The following CSMD1 variants were observed in gnomAD, a reference collection of about 807,000 sequenced individuals.
The protein encoded by CSMD1 is CUB and sushi domain-containing protein 1.
Under a neutral mutation model 417.5 loss-of-function variants are expected in CSMD1, and 213 were observed. The observed-to-expected ratio is 0.51, with a 90% CI of 0.46 to 0.57. CSMD1 has a LOEUF of 0.57. CSMD1 is among the 20% of genes least tolerant of loss of function. The pLI is 0.00. For synonymous variants in CSMD1, 2,862 were observed against 1,736.8 expected (o/e 1.65, Z -16.11); for missense variants, 6,923 against 4,529.7 (o/e 1.53, Z -15.17).
At chr8:3,460,797 A>T (rs1816451873) in intron 12 of CSMD1, among the ~76,000 whole-genome samples, 1 of 152,232 alleles carries the variant, frequency 6.6e-6, no homozygotes, top group Admixed American at 6.5e-5. Flanking sequence ...CGGCTGCTAG[A>T]CAATGATGCC....
At chr8:4,406,412 T>G (rs112449308) in intron 3 of CSMD1, among the ~76,000 whole-genome samples, 11 of 152,240 alleles carry the variant, frequency 7.2e-5, no homozygotes, top group African/African-American at 2.6e-4. Flanking sequence ...CCCAACCTCA[T>G]AAAAATGATA....
At chr8:4,148,719 C>A (rs1421061909) in intron 3 of CSMD1, among the ~76,000 whole-genome samples, 1 of 152,106 alleles carries the variant, frequency 6.6e-6, no homozygotes, top group Admixed American at 6.6e-5. Flanking sequence ...GAGGGCTCCA[C>A]TCTCATCACC....
chr8:3,517,831 A>G (rs1297180664), intron 10 of CSMD1, among the ~76,000 whole-genome samples: 1 of 152,180 alleles, frequency 6.6e-6, no homozygotes, highest in Non-Finnish European at 1.5e-5. Context: ...GAAACACCCA[A>G]CGACCCATCC....
At chr8:3,882,558 A>G (rs1806277684) in intron 5 of CSMD1, among the ~76,000 whole-genome samples, 1 of 152,174 alleles carries the variant, frequency 6.6e-6, no homozygotes. Context: ...CCTTAGGCAT[A>G]TACCCAATAT....
intron 23 of CSMD1, among the ~76,000 whole-genome samples, chr8:3,314,805 C>T (rs17392287): frequency 0.12 from 17,943 of 152,142 alleles, 1,137 homozygotes; most frequent in Non-Finnish European, 0.14. Context: ...TTCAAGTATT[C>T]GGATTAGTTC....
At chr8:4,574,013 T>C (rs971757609) in intron 2 of CSMD1, among the ~76,000 whole-genome samples, 4 of 152,178 alleles carry the variant, frequency 2.6e-5, no homozygotes, top group African/African-American at 4.8e-5. Context: ...CAGACTGCTG[T>C]GCTGGCAGCC....
rs1797479375 is a variant in CSMD1 at position 4,787,692 on chromosome 8, G to C, written c.86-150134C>G. The C allele has an allele frequency of 1.9e-6, 3 of 1,591,304 alleles. No homozygotes were observed. In the African/African-American group the frequency reaches 4.0e-5, roughly 21 times the overall value. ...TATAAGTTTACCCACCTAAAGTGGAGTTGTTTTTCAAGGATGCTGCCAATA... is the reference window on the plus strand; with the variant it reads ...TATAAGTTTACCCACCTAAAGTGGACTTGTTTTTCAAGGATGCTGCCAATA... On this transcript the variant is annotated intron_variant, in intron 1 of 69. Coordinates refer to ENST00000635120, the MANE Select transcript of CSMD1 (RefSeq NM_033225.6).
Position 4,177,119 on chromosome 8 carries a change from G to T in CSMD1, c.416-145020C>A, listed in dbSNP as rs182526937. On this transcript the variant is annotated intron_variant, in intron 3 of 69. Coordinates refer to ENST00000635120, the MANE Select transcript of CSMD1 (RefSeq NM_033225.6). ...CAGAACTCTCCACCCCAAATCAACA[G>T]AATATACATGTTTTTCAGCACCACA... Among the ~76,000 whole-genome samples the T allele has an allele frequency of 5.8e-3, 885 of 152,250 alleles. 10 individuals carry two copies. The highest frequency in any genetic ancestry group is 0.02 in the African/African-American group (818 of 41,536).
chr8:4,194,644 A>G (rs1328184380), intron 3 of CSMD1, among the ~76,000 whole-genome samples: 3 of 152,174 alleles, frequency 2.0e-5, no homozygotes, highest in African/African-American at 7.2e-5. Context: ...ATTTTCTTGC[A>G]AGGAAAATAA....
intron 6 of CSMD1, among the ~76,000 whole-genome samples, chr8:3,750,122 G>C (rs922098258): frequency 2.0e-5 from 3 of 152,106 alleles, no homozygotes; most frequent in African/African-American, 2.4e-5. Context: ...TATGAGGAAG[G>C]CTAGGAACCA....
intron 8 of CSMD1, among the ~76,000 whole-genome samples, chr8:3,594,301 G>A (rs1800992528): frequency 6.6e-6 from 1 of 152,024 alleles, no homozygotes; most frequent in Non-Finnish European, 1.5e-5. Context: ...AATCTAAATT[G>A]CTATGGGAAT....
At chr8:3,613,338 A>T in intron 8 of CSMD1, 1 of 405,808 alleles carries the variant, frequency 2.5e-6, no homozygotes, top group Non-Finnish European at 4.8e-6. Flanking sequence ...AACATTTAGC[A>T]ATGAAATATT....
At chr8:4,614,431 G>A (rs117549698) in intron 2 of CSMD1, among the ~76,000 whole-genome samples, 1,988 of 152,238 alleles carry the variant, frequency 0.013, 20 homozygotes, top group Middle Eastern at 0.034. Context: ...ACCTAAATAA[G>A]CCTCTAACCT....
At chr8:4,426,682 T>C (rs1403616985) in intron 2 of CSMD1, among the ~76,000 whole-genome samples, 1 of 147,174 alleles carries the variant, frequency 6.8e-6, no homozygotes, top group Non-Finnish European at 1.5e-5. Flanking sequence ...TTATATAATA[T>C]AGTAATATTT....
At chr8:4,039,215 C>T (rs1486672781) in intron 3 of CSMD1, among the ~76,000 whole-genome samples, 1 of 152,140 alleles carries the variant, frequency 6.6e-6, no homozygotes, top group South Asian at 2.1e-4. Context: ...GGTTTCTCTC[C>T]ATTTCTCTAC....
intron 4 of CSMD1, among the ~76,000 whole-genome samples, chr8:4,007,306 C>T (rs965332275): frequency 1.2e-4 from 18 of 152,314 alleles, no homozygotes; most frequent in African/African-American, 4.3e-4. Context: ...ATGTTGGCTT[C>T]TTCTGTTCCT....
intron 4 of CSMD1, among the ~76,000 whole-genome samples, chr8:4,019,276 A>G (rs1028044606): frequency 1.3e-5 from 2 of 152,154 alleles, no homozygotes; most frequent in Non-Finnish European, 2.9e-5. Flanking sequence ...GTTTTTAAAG[A>G]TTCAGGGCGA....
intron 1 of CSMD1, among the ~76,000 whole-genome samples, chr8:4,868,952 C>A (rs1802576338): frequency 6.6e-6 from 1 of 151,378 alleles, no homozygotes; most frequent in Non-Finnish European, 1.5e-5. Flanking sequence ...TAGATTATAC[C>A]TATATACACA....
At chr8:3,359,059 A>T in intron 21 of CSMD1, 93 bp downstream of exon 21, 1 of 1,233,012 alleles carries the variant, frequency 8.1e-7, no homozygotes, top group Admixed American at 1.9e-5. Flanking sequence ...CCTTGTCAAC[A>T]AACCCCCACC....
Sources: allele counts gnomAD v4.1 joint callset (sites outside exome capture counted in the v4.1 genomes callset), GRCh38; gene constraint gnomAD v4.1.1; transcripts MANE v1.5; gene names NCBI Gene and HGNC (gene_info 2026-07-23, HGNC 2026-07-21).